STS: variants seen among roughly 807,000 people sequenced by gnomAD.
STS encodes steroid sulfatase.
Under a neutral mutation model 26.8 loss-of-function variants are expected in STS, and 7 were observed. The observed-to-expected ratio is 0.26, with a 90% confidence interval of 0.15 to 0.49. The LOEUF (loss-of-function observed/expected upper bound fraction) is 0.49, where lower values mean the gene tolerates loss of function less well. Among genes scored for constraint, STS ranks in the 20% least tolerant of loss-of-function variants. The pLI is 0.98. For synonymous variants in STS, 199 were observed against 189.4 expected, an observed-to-expected ratio of 1.05 and a Z score of -0.42; for missense variants, 434 against 465.6, an observed-to-expected ratio of 0.93 and a Z score of 0.63.
At position 7,326,398 on chromosome X, in the gene STS, G is replaced by C. The variant is rs189262367; in HGVS notation, c.1241+900G>C. ...CATCGTGCTGACGCTCTTCTCGTCT[G>C]TTCACCCCACCGTAGCTTGCCATTG... On this transcript the variant is annotated intron_variant, in intron 9 of 10. Coordinates refer to ENST00000674429, the MANE Select transcript of STS (RefSeq NM_001320752.2). 3.6e-5 allele frequency among the ~76,000 whole-genome samples: 4 copies of C among 111,508 alleles called. No homozygotes were observed. The East Asian group carries it at 1.1e-3, about 32-fold the overall frequency.
intron 1 of STS, among the ~76,000 whole-genome samples, chrX:7,175,410 C>A (rs958885084): frequency 1.8e-5 from 2 of 110,540 alleles, no homozygotes; most frequent in Admixed American, 2.0e-4. Context: ...AGGAAGATAA[C>A]CTGAGGCCAG....
chrX:7,230,681 G>C, intron 2 of STS, among the ~76,000 whole-genome samples: 1 of 111,597 alleles, frequency 9.0e-6, no homozygotes, highest in East Asian at 2.8e-4. Context: ...AGAAGAGCAA[G>C]TGAAGGAGGA....
At chrX:7,175,090 G>T (rs1441577727) in intron 1 of STS, among the ~76,000 whole-genome samples, 1 of 105,923 alleles carries the variant, frequency 9.4e-6, no homozygotes, top group African/African-American at 3.5e-5. Flanking sequence ...CATGGAGACA[G>T]TGTTCATATC....
At chrX:7,246,673 A>G (rs1177876304) in intron 2 of STS, among the ~76,000 whole-genome samples, 1 of 111,834 alleles carries the variant, frequency 8.9e-6, no homozygotes, top group Non-Finnish European at 1.9e-5. Flanking sequence ...CAAGGAAGGT[A>G]GCAGGGTATT....
intron 2 of STS, among the ~76,000 whole-genome samples, chrX:7,244,396 G>T (rs1172131683): frequency 1.8e-5 from 2 of 111,975 alleles, no homozygotes; most frequent in Non-Finnish European, 1.9e-5. Context: ...CACCGAAGAT[G>T]TACTTGTGGG....
At chrX:7,239,048 C>T (rs1922465939) in intron 2 of STS, among the ~76,000 whole-genome samples, 1 of 110,932 alleles carries the variant, frequency 9.0e-6, no homozygotes, top group African/African-American at 3.3e-5. Context: ...TTCAACTATA[C>T]TAGGTATAAT....
intron 6 of STS, among the ~76,000 whole-genome samples, chrX:7,264,451 G>A (rs17331452): frequency 0.034 from 3,839 of 112,334 alleles, 50 homozygotes; most frequent in East Asian, 0.13. Flanking sequence ...TGGGCATGGC[G>A]CTTGGTTCAG....
At chrX:7,316,012 C>G (rs148119832) in intron 8 of STS, among the ~76,000 whole-genome samples, 1 of 111,634 alleles carries the variant, frequency 9.0e-6, no homozygotes, top group Admixed American at 9.5e-5. Flanking sequence ...CAAGAGGGAG[C>G]AGCAGAACTT....
At chrX:7,181,308 A>G (rs1044755801) in intron 1 of STS, among the ~76,000 whole-genome samples, 1 of 112,641 alleles carries the variant, frequency 8.9e-6, no homozygotes, top group Non-Finnish European at 1.9e-5. Context: ...CTCAAATGTT[A>G]AAAATACAAA....
intron 2 of STS, among the ~76,000 whole-genome samples, chrX:7,212,327 CG>C (rs1477019515): frequency 3.6e-5 from 4 of 110,287 alleles, no homozygotes; most frequent in Non-Finnish European, 7.6e-5. Flanking sequence ...AAAAATTAGC[CG>C]GGCATCGTGG....
intron 1 of STS, among the ~76,000 whole-genome samples, chrX:7,160,879 T>C (rs762457149): frequency 1.1e-4 from 12 of 112,333 alleles, no homozygotes; most frequent in African/African-American, 3.9e-4. Flanking sequence ...AGAACATACA[T>C]GCCTACTTCT....
intron 7 of STS, among the ~76,000 whole-genome samples, chrX:7,300,251 T>A (rs1477323798): frequency 8.9e-6 from 1 of 112,136 alleles, no homozygotes; most frequent in Non-Finnish European, 1.9e-5. Flanking sequence ...TTTGTTTCCT[T>A]CAGAAAACAA....
At chrX:7,330,257 T>C (rs1209353280) in intron 9 of STS, among the ~76,000 whole-genome samples, 1 of 112,123 alleles carries the variant, frequency 8.9e-6, no homozygotes, top group Non-Finnish European at 1.9e-5. Flanking sequence ...TGAAAATTCT[T>C]TCTGTGGGTC....
At chrX:7,349,251 A>C (rs1373210535) in intron 10 of STS, among the ~76,000 whole-genome samples, 3 of 66,223 alleles carry the variant, frequency 4.5e-5, no homozygotes, top group Non-Finnish European at 8.0e-5. Context: ...TGATTCTTCC[A>C]CCTCGGCCTC....
intron 3 of STS, among the ~76,000 whole-genome samples, chrX:7,255,348 A>G (rs1333621918): frequency 8.9e-6 from 1 of 112,029 alleles, no homozygotes; most frequent in African/African-American, 3.2e-5. Flanking sequence ...TGTGATATAG[A>G]TCTTATTAAT....
At chrX:7,260,937 T>A (rs2147091548) in intron 6 of STS, among the ~76,000 whole-genome samples, 1 of 111,552 alleles carries the variant, frequency 9.0e-6, no homozygotes, top group Admixed American at 9.6e-5. Flanking sequence ...TTTTGGGGAT[T>A]GCAATCTGTA....
chrX:7,234,766 C>A (rs1369985332), intron 2 of STS, among the ~76,000 whole-genome samples: 1 of 112,149 alleles, frequency 8.9e-6, no homozygotes, highest in Non-Finnish European at 1.9e-5. Flanking sequence ...GAATCTGATC[C>A]TTTTACAGGA....
intron 6 of STS, among the ~76,000 whole-genome samples, chrX:7,266,107 A>T (rs1194485025): frequency 2.7e-5 from 3 of 111,934 alleles, no homozygotes; most frequent in Non-Finnish European, 5.6e-5. Context: ...TATTAGTGGA[A>T]TTTACTCAAA....
intron 10 of STS, among the ~76,000 whole-genome samples, chrX:7,343,958 C>G (rs1302689592): frequency 2.7e-5 from 3 of 112,377 alleles, no homozygotes; most frequent in African/African-American, 9.7e-5. Context: ...TTCTATACTG[C>G]CTATGGATCT....
Sources: allele counts gnomAD v4.1 joint callset (sites outside exome capture counted in the v4.1 genomes callset), GRCh38; gene constraint gnomAD v4.1.1; transcripts MANE v1.5; gene names NCBI Gene and HGNC (gene_info 2026-07-23, HGNC 2026-07-21).